The following SH3BGRL2 variants were observed in gnomAD, a reference collection of about 807,000 sequenced individuals.
SH3BGRL2 encodes SH3 domain binding glutamate rich protein like 2, also known as SH3 domain-binding glutamic acid-rich-like protein 2.
Under a neutral mutation model 14.8 loss-of-function variants are expected in SH3BGRL2, and 21 were observed. The observed-to-expected ratio is 1.42, with a 90% CI of 1.01 to 2.05. The LOEUF (loss-of-function observed/expected upper bound fraction) is 2.05. Ranked by LOEUF, SH3BGRL2 falls within the 30% of genes most tolerant of loss-of-function variation. The pLI is 0.00. For synonymous variants in SH3BGRL2, 50 were observed against 47.8 expected (o/e 1.05, Z -0.19); for missense variants, 147 against 130.8 (o/e 1.12, Z -0.61).
chr6:79,613,313 T>C, the SH3BGRL2 span, among the ~76,000 whole-genome samples: 1 of 152,334 alleles, frequency 6.6e-6, no homozygotes, highest in African/African-American at 2.4e-5. Context: ...GAAGCAGGCC[T>C]TTGTGCCTAA....
the SH3BGRL2 span, among the ~76,000 whole-genome samples, chr6:79,543,313 ACATTT>A: frequency 1.3e-5 from 2 of 152,208 alleles, no homozygotes; most frequent in Non-Finnish European, 2.9e-5. Flanking sequence ...CAGTTACAAC[ACATTT>A]CATTTCAGGC....
At chr6:79,669,721 A>C (rs113126551) in intron 1 of SH3BGRL2, among the ~76,000 whole-genome samples, 6,820 of 152,254 alleles carry the variant, frequency 0.045, 519 homozygotes, top group African/African-American at 0.16. Flanking sequence ...CTGGGATTAC[A>C]GGAGTGACCC....
chr6:79,580,415 A>G, the SH3BGRL2 span, among the ~76,000 whole-genome samples: 1 of 152,236 alleles, frequency 6.6e-6, no homozygotes, highest in African/African-American at 2.4e-5. Flanking sequence ...CAGCAAATGT[A>G]AAAGAACAGA....
chr6:79,612,730 T>A, the SH3BGRL2 span, among the ~76,000 whole-genome samples: 1 of 152,196 alleles, frequency 6.6e-6, no homozygotes, highest in Non-Finnish European at 1.5e-5. Context: ...TCACATCAAC[T>A]GAAAGCAGAA....
chr6:79,542,053 G>A, the SH3BGRL2 span, among the ~76,000 whole-genome samples: 1 of 151,898 alleles, frequency 6.6e-6, no homozygotes, highest in Non-Finnish European at 1.5e-5. Flanking sequence ...AAACATACCT[G>A]CCTCTACTGG....
chr6:79,660,548 T>A (rs1271679744), intron 1 of SH3BGRL2, among the ~76,000 whole-genome samples: 1 of 152,176 alleles, frequency 6.6e-6, no homozygotes, highest in East Asian at 1.9e-4. Context: ...TCCCAGTATT[T>A]TATTGAGGAT....
chr6:79,631,473 C>T lies in SH3BGRL2; in HGVS notation c.12C>T (p.Arg4=). MVI[R]VFIASSSGFV... The stretch of plus-strand genomic sequence containing the variant: ...GGCGCAGCGAGAGGATGGTCATCCG[C>T]GTGTTCATCGCCTCTTCCTCGGGCT... Residue 4 remains arginine, a synonymous_variant, in exon 1 of 4, where the codon CGC becomes CGT. Transcript: ENST00000369838. 2 of 1,508,662 alleles carry T rather than the reference C, an allele frequency of 1.3e-6. No homozygotes were observed. Among genetic ancestry groups the T allele is most frequent in the South Asian group, 1.3e-5 (1 of 77,406 alleles). 93.5% of individuals were successfully genotyped at this position (1,508,662 alleles called of 1,614,324 possible).
At chr6:79,606,836 T>G in the SH3BGRL2 span, among the ~76,000 whole-genome samples, 1 of 152,178 alleles carries the variant, frequency 6.6e-6, no homozygotes, top group African/African-American at 2.4e-5. Flanking sequence ...CTTTTTTTTT[T>G]AGAAAACAAT....
chr6:79,604,451 C>T, the SH3BGRL2 span, among the ~76,000 whole-genome samples: 36 of 152,294 alleles, frequency 2.4e-4, no homozygotes, highest in East Asian at 6.0e-3. Context: ...AATGAGAAAG[C>T]ATGTTGGAGA....
chr6:79,538,862 T>C, the SH3BGRL2 span, among the ~76,000 whole-genome samples: 1 of 152,240 alleles, frequency 6.6e-6, no homozygotes, highest in Non-Finnish European at 1.5e-5. Context: ...ATTCATTGTT[T>C]ATACTTGAGA....
chr6:79,546,144 T>C, the SH3BGRL2 span, among the ~76,000 whole-genome samples: 1 of 152,114 alleles, frequency 6.6e-6, no homozygotes, highest in African/African-American at 2.4e-5. Flanking sequence ...CCAAAATTAT[T>C]GGGACTAGAA....
At chr6:79,618,911 T>G in the SH3BGRL2 span, among the ~76,000 whole-genome samples, 1 of 7,130 alleles carries the variant, frequency 1.4e-4, no homozygotes, top group Admixed American at 1.2e-3. Context: ...AGTGAGACTC[T>G]GTCAAAAAAA....
At chr6:79,648,470 A>G (rs1331753669) in intron 1 of SH3BGRL2, among the ~76,000 whole-genome samples, 2 of 150,988 alleles carry the variant, frequency 1.3e-5, no homozygotes, top group East Asian at 3.9e-4. Flanking sequence ...CTTCAAAGCC[A>G]GTGGCATTGC....
At chr6:79,573,305 C>T in the SH3BGRL2 span, among the ~76,000 whole-genome samples, 13 of 152,174 alleles carry the variant, frequency 8.5e-5, no homozygotes, top group African/African-American at 2.2e-4. Flanking sequence ...AGTTTCCATA[C>T]GGGCCTGGAT....
the SH3BGRL2 span, among the ~76,000 whole-genome samples, chr6:79,590,424 G>GATTTAT: frequency 1.5e-5 from 1 of 66,666 alleles, no homozygotes; most frequent in Non-Finnish European, 2.7e-5. Flanking sequence ...AAGAAAATGT[G>GATTTAT]ATATATATAT....
At chr6:79,635,108 T>C (rs1196832723) in intron 1 of SH3BGRL2, among the ~76,000 whole-genome samples, 3 of 152,188 alleles carry the variant, frequency 2.0e-5, no homozygotes, top group African/African-American at 7.2e-5. Flanking sequence ...TCAGGGAACA[T>C]GGAGCTGCCT....
chr6:79,541,292 A>T, the SH3BGRL2 span, among the ~76,000 whole-genome samples: 2 of 152,168 alleles, frequency 1.3e-5, no homozygotes, highest in African/African-American at 4.8e-5. Flanking sequence ...TCATTAAAAT[A>T]TATAAAATAT....
chr6:79,639,952 G>A lies in SH3BGRL2; in HGVS notation c.45+8446G>A, dbSNP rs72905728. 7.1e-3 allele frequency among the ~76,000 whole-genome samples: 1,079 copies of A among 152,294 alleles called. 11 individuals are homozygous for A. The highest frequency in any genetic ancestry group is 0.011 in the Non-Finnish European group (761 of 68,022). On this transcript the variant is annotated intron_variant, in intron 1 of 3. Coordinates refer to ENST00000369838, the MANE Select transcript of SH3BGRL2 (RefSeq NM_031469.4). The stretch of plus-strand genomic sequence containing the variant: ...AACATTTTCTTTCTTCTGTGAAATG[G>A]CAAGTGCTTGTTAACTTTTGTGGGG...
At chr6:79,565,464 G>A in the SH3BGRL2 span, among the ~76,000 whole-genome samples, 2 of 152,062 alleles carry the variant, frequency 1.3e-5, no homozygotes, top group Non-Finnish European at 2.9e-5. Context: ...TGGAGTTGAT[G>A]TTTTGTGATT....
Sources: gnomAD v4.1 joint callset for allele counts (sites outside exome capture counted in the v4.1 genomes callset) on GRCh38, gnomAD v4.1.1 for gene constraint, MANE v1.5 for transcripts, NCBI Gene and HGNC (gene_info 2026-07-23, HGNC 2026-07-21) for gene names.